The following TBC1D22A variants were observed in gnomAD, a reference collection of about 807,000 sequenced individuals.
TBC1D22A encodes the protein TBC1 domain family member 22A, also known as putative GTPase activator.
TBC1D22A carries 38 observed loss-of-function variants against 60.2 expected under a neutral mutation model. That is an observed-to-expected ratio of 0.63 (90% CI 0.49 to 0.83). TBC1D22A has a LOEUF of 0.83. Ranked by LOEUF, TBC1D22A falls within the 40% of genes least tolerant of loss-of-function variation. The pLI, the probability that TBC1D22A is intolerant of heterozygous loss-of-function variation, is 0.00. For missense variants in TBC1D22A, 628 were observed against 701.0 expected (o/e 0.90, Z 1.18); for synonymous variants, 302 against 281.7 (o/e 1.07, Z -0.72).
chr22:46,783,893 C>T (rs141502547), intron 1 of TBC1D22A, among the ~76,000 whole-genome samples: 245 of 152,198 alleles, frequency 1.6e-3, no homozygotes, highest in African/African-American at 5.4e-3. Context: ...CTCCTGTGTG[C>T]TTGTGCAAGG....
chr22:47,012,103 C>G (rs1196102553), intron 10 of TBC1D22A, among the ~76,000 whole-genome samples: 1 of 152,064 alleles, frequency 6.6e-6, no homozygotes, highest in Admixed American at 6.5e-5. Context: ...CAGCAATCGA[C>G]CATCGTGCTG....
At chr22:47,126,696 C>T (rs1282714295) in intron 12 of TBC1D22A, among the ~76,000 whole-genome samples, 2 of 152,204 alleles carry the variant, frequency 1.3e-5, no homozygotes, top group Admixed American at 6.5e-5. Flanking sequence ...CAGGGTGTCA[C>T]CTGCTGGGAT....
intron 11 of TBC1D22A, among the ~76,000 whole-genome samples, chr22:47,056,241 C>T (rs922364835): frequency 1.3e-5 from 2 of 151,984 alleles, no homozygotes; most frequent in African/African-American, 4.8e-5. Context: ...CGCCTTCCTC[C>T]GCATGACCTG....
At chr22:46,848,771 C>CT (rs2087137015) in intron 4 of TBC1D22A, among the ~76,000 whole-genome samples, 1 of 152,162 alleles carries the variant, frequency 6.6e-6, no homozygotes, top group Non-Finnish European at 1.5e-5. Context: ...ACACGTTGCT[C>CT]TAAGTAGTCT....
chr22:46,816,306 G>A (rs949064748), intron 4 of TBC1D22A, among the ~76,000 whole-genome samples: 2 of 152,192 alleles, frequency 1.3e-5, no homozygotes, highest in African/African-American at 2.4e-5. Flanking sequence ...GCTTGGTGCC[G>A]GGCCTGGCTC....
At chr22:47,098,792 G>A (rs2065289136) in intron 11 of TBC1D22A, among the ~76,000 whole-genome samples, 1 of 152,216 alleles carries the variant, frequency 6.6e-6, no homozygotes, top group Admixed American at 6.5e-5. Flanking sequence ...GGGCTGAGAC[G>A]GGGACACCAG....
In TBC1D22A at chr22:47,173,712, C is replaced by T; in HGVS notation, c.*86C>T. The T allele has an allele frequency of 6.3e-7, 1 of 1,587,552 alleles. No individual in the cohort carries two copies. Among genetic ancestry groups the T allele is most frequent in the Admixed American group, 1.7e-5 (1 of 58,996 alleles). On this transcript the variant is annotated 3_prime_UTR_variant, in exon 13 of 13. Transcript: ENST00000337137. ...GGTGGTAGGCCCCTGTGAGCTGGTC[C>T]CGGGCTGCTAAAAGGCCTTGTGAGG...
rs1373690067 is a variant in TBC1D22A at position 46,777,364 on chromosome 22, C to T, written c.62+14516C>T. Among the ~76,000 whole-genome samples, 1 of 152,076 alleles carries T rather than the reference C, an allele frequency of 6.6e-6. No individual in the cohort carries two copies. Among genetic ancestry groups the T allele is most frequent in the Non-Finnish European group, 1.5e-5 (1 of 68,018 alleles). On this transcript the variant is annotated intron_variant, in intron 1 of 12. Transcript: ENST00000337137. The surrounding 1 kb of genome is among the most constrained non-coding windows in gnomAD (Gnocchi z 4.5). ...GTGACTGGTAGAGAGTGATGTTGTC[C>T]AAGGGTGGGGACCGAAGAGTGGGTG...
At chr22:47,106,460 G>A (rs756931623) in intron 11 of TBC1D22A, among the ~76,000 whole-genome samples, 1 of 152,228 alleles carries the variant, frequency 6.6e-6, no homozygotes, top group Non-Finnish European at 1.5e-5. Context: ...GCATTCAATA[G>A]CGGAGGCTAG....
intron 10 of TBC1D22A, among the ~76,000 whole-genome samples, chr22:47,011,419 C>T (rs2061748720): frequency 6.6e-6 from 1 of 152,138 alleles, no homozygotes; most frequent in African/African-American, 2.4e-5. Flanking sequence ...ATTAGAAGGT[C>T]GAATGTGCCC....
intron 11 of TBC1D22A, among the ~76,000 whole-genome samples, chr22:47,038,318 G>T (rs2062723583): frequency 6.6e-6 from 1 of 152,232 alleles, no homozygotes; most frequent in African/African-American, 2.4e-5. Flanking sequence ...GCCCTTGGAG[G>T]TTGATGCTGG....
chr22:46,979,151 G>T (rs2074416771), intron 9 of TBC1D22A, among the ~76,000 whole-genome samples: 2 of 152,182 alleles, frequency 1.3e-5, no homozygotes, highest in South Asian at 4.1e-4. Flanking sequence ...AATATTGGCT[G>T]ACTGAGGTGT....
intron 6 of TBC1D22A, among the ~76,000 whole-genome samples, chr22:46,893,617 T>C (rs902111678): frequency 1.3e-5 from 2 of 151,972 alleles, no homozygotes; most frequent in Admixed American, 6.6e-5. Flanking sequence ...TCCACACGAG[T>C]GTAACTGTAT....
At chr22:47,163,488 G>A (rs1467523789) in intron 12 of TBC1D22A, among the ~76,000 whole-genome samples, 1 of 152,276 alleles carries the variant, frequency 6.6e-6, no homozygotes, top group Non-Finnish European at 1.5e-5. Context: ...TAGGGTCGGT[G>A]TGTGCGATTC....
At chr22:47,151,577 G>C (rs2067504574) in intron 12 of TBC1D22A, among the ~76,000 whole-genome samples, 1 of 152,180 alleles carries the variant, frequency 6.6e-6, no homozygotes. Context: ...GCTCCCTCGT[G>C]GCCCCTCTCC....
chr22:46,930,286 A>C (rs2071282898), intron 8 of TBC1D22A, among the ~76,000 whole-genome samples: 1 of 152,060 alleles, frequency 6.6e-6, no homozygotes, highest in Admixed American at 6.6e-5. Flanking sequence ...ACATTTATTG[A>C]GTTTTCACTC....
intron 12 of TBC1D22A, among the ~76,000 whole-genome samples, chr22:47,165,053 C>T (rs1401125672): frequency 6.6e-6 from 1 of 152,140 alleles, no homozygotes; most frequent in Non-Finnish European, 1.5e-5. Context: ...TCCAGCCTCT[C>T]CACAGGGCAG....
chr22:46,875,577 C>T (rs1478199085), intron 4 of TBC1D22A, among the ~76,000 whole-genome samples: 6 of 151,956 alleles, frequency 3.9e-5, no homozygotes, highest in Admixed American at 3.9e-4. Flanking sequence ...TTAGCCTCCC[C>T]AGTAGCTGGG....
chr22:47,117,237 G>A (rs2066100645), intron 12 of TBC1D22A: 2 of 167,012 alleles, frequency 1.2e-5, no homozygotes, highest in African/African-American at 2.4e-5. Flanking sequence ...GCGCATGGAG[G>A]AAGCAGGAAA....
Sources: allele counts gnomAD v4.1 joint callset (sites outside exome capture counted in the v4.1 genomes callset), GRCh38; gene constraint gnomAD v4.1.1; non-coding constraint Gnocchi (gnomAD v3.1); transcripts MANE v1.5; gene names NCBI Gene and HGNC (gene_info 2026-07-23, HGNC 2026-07-21).